Variants in VAT1L observed in about 807,000 individuals in gnomAD.
VAT1L encodes putative NADPH-dependent quinone oxidoreductase VAT1L.
A neutral mutation model predicts 44.1 loss-of-function variants in VAT1L; 34 were observed. The ratio of observed to expected loss-of-function variants is 0.77; its 90% CI spans 0.59 to 1.03. VAT1L has a LOEUF of 1.03. VAT1L is among the 50% of genes least tolerant of loss of function. The pLI is 0.00. For missense variants in VAT1L, 615 were observed against 538.8 expected (o/e 1.14, Z -1.40); for synonymous variants, 253 against 202.2 (o/e 1.25, Z -2.13).
At chr16:77,926,606 G>A (rs927417227) in intron 7 of VAT1L, among the ~76,000 whole-genome samples, 10 of 152,096 alleles carry the variant, frequency 6.6e-5, no homozygotes, top group Non-Finnish European at 1.0e-4. Flanking sequence ...GTAGGGGTAA[G>A]AGCTAAAAGA....
chr16:77,962,163 C>T (rs546226533), intron 7 of VAT1L, among the ~76,000 whole-genome samples: 1 of 152,212 alleles, frequency 6.6e-6, no homozygotes, highest in Admixed American at 6.5e-5. Flanking sequence ...GGCAAGAGTG[C>T]AAATGGAGGA....
At chr16:77,896,428 C>T (rs1376065923) in intron 7 of VAT1L, among the ~76,000 whole-genome samples, 1 of 152,192 alleles carries the variant, frequency 6.6e-6, no homozygotes, top group African/African-American at 2.4e-5. Context: ...AATAACGCTA[C>T]CTTCCTTCGG....
intron 7 of VAT1L, among the ~76,000 whole-genome samples, chr16:77,950,714 A>G (rs1229182826): frequency 1.3e-5 from 2 of 152,134 alleles, no homozygotes; most frequent in Non-Finnish European, 2.9e-5. Flanking sequence ...TAAATATTGA[A>G]TAACATATAG....
chr16:77,932,817 C>A (rs922925999), intron 7 of VAT1L, among the ~76,000 whole-genome samples: 2 of 152,124 alleles, frequency 1.3e-5, no homozygotes, highest in African/African-American at 2.4e-5. Flanking sequence ...CCTGGATTCA[C>A]AGAAATCCAA....
At chr16:77,972,298 C>T (rs1172517812) in intron 8 of VAT1L, among the ~76,000 whole-genome samples, 1 of 152,168 alleles carries the variant, frequency 6.6e-6, no homozygotes, top group Non-Finnish European at 1.5e-5. Context: ...CGAGATGCTC[C>T]CTGATGGTTC....
chr16:77,966,830 G>A (rs182242168), intron 7 of VAT1L, among the ~76,000 whole-genome samples: 4 of 150,996 alleles, frequency 2.6e-5, no homozygotes, highest in Admixed American at 6.6e-5. Flanking sequence ...TTTCAAAGGC[G>A]CACTTGCCAC....
chr16:77,818,076 C>T (rs2016386469), intron 2 of VAT1L, among the ~76,000 whole-genome samples: 1 of 152,216 alleles, frequency 6.6e-6, no homozygotes, highest in Non-Finnish European at 1.5e-5. Flanking sequence ...TTCAAATCAC[C>T]AGAGCTTGTT....
At position 77,979,105 on chromosome 16, in the gene VAT1L, T is replaced by C. The variant is rs1432825258; in HGVS notation, c.*1410T>C. 1 of 152,710 alleles carries C rather than the reference T, an allele frequency of 6.5e-6. No individual in the cohort carries two copies. The highest frequency in any genetic ancestry group is 1.9e-4 in the East Asian group (1 of 5,174). 9.5% of individuals were successfully genotyped at this position (152,710 alleles called of 1,614,324 possible). On this transcript the variant is annotated 3_prime_UTR_variant, in exon 9 of 9. Transcript: ENST00000302536. ...TGGACCCAACCCTTTCCGCAAGTGG[T>C]AGGAACGAATGCATCTTAGCAATTA...
intron 7 of VAT1L, among the ~76,000 whole-genome samples, chr16:77,946,276 G>GCTCTTTTTTTTTTTTT (rs1441996306): frequency 1.2e-4 from 4 of 33,862 alleles, no homozygotes; most frequent in Non-Finnish European, 2.3e-4. Flanking sequence ...TAGGTTACTT[G>GCTCTTTTTTTTTTTTT]TTCTTTTTTT....
At chr16:77,975,942 C>A (rs1375818675) in intron 8 of VAT1L, among the ~76,000 whole-genome samples, 1 of 152,216 alleles carries the variant, frequency 6.6e-6, no homozygotes, top group African/African-American at 2.4e-5. Context: ...GTCTCCCTTT[C>A]CACTGCTGTA....
At chr16:77,815,735 A>G (rs12926257) in intron 1 of VAT1L, among the ~76,000 whole-genome samples, 2 of 151,830 alleles carry the variant, frequency 1.3e-5, no homozygotes, top group Non-Finnish European at 2.9e-5. Flanking sequence ...TTGGGAGACC[A>G]AGGTGGGCGG....
chr16:77,946,276 G>GTTTTTTTTTTTTTTTTT (rs1597114758), intron 7 of VAT1L, among the ~76,000 whole-genome samples: 7 of 33,848 alleles, frequency 2.1e-4, no homozygotes, highest in Non-Finnish European at 2.8e-4. Context: ...TAGGTTACTT[G>GTTTTTTTTTTTTTTTTT]TTCTTTTTTT....
At chr16:77,935,034 C>T (rs1410078908) in intron 7 of VAT1L, among the ~76,000 whole-genome samples, 4 of 152,140 alleles carry the variant, frequency 2.6e-5, no homozygotes, top group African/African-American at 7.2e-5. Flanking sequence ...TCGATTTCCT[C>T]TGGTACCACG....
chr16:77,816,754 G>A (rs972098339), intron 1 of VAT1L, among the ~76,000 whole-genome samples, 167 bp from the exon 2 acceptor site: 3 of 151,734 alleles, frequency 2.0e-5, no homozygotes, highest in Non-Finnish European at 2.9e-5. Flanking sequence ...CTAGCTAAGC[G>A]GCATTACTAT....
chr16:77,793,523 C>T (rs984535419), intron 1 of VAT1L, among the ~76,000 whole-genome samples: 12 of 152,092 alleles, frequency 7.9e-5, no homozygotes, highest in Non-Finnish European at 1.2e-4. Flanking sequence ...TCTCTTAGAC[C>T]GGGGCTGCTA....
At chr16:77,847,366 C>A (rs147865672) in intron 3 of VAT1L, among the ~76,000 whole-genome samples, 223 of 152,294 alleles carry the variant, frequency 1.5e-3, no homozygotes, top group African/African-American at 5.1e-3. Context: ...ACCTCTCCCC[C>A]GGTCTTCCCG....
At chr16:77,875,915 A>G (rs975950936) in intron 4 of VAT1L, among the ~76,000 whole-genome samples, 3 of 152,208 alleles carry the variant, frequency 2.0e-5, no homozygotes, top group African/African-American at 7.2e-5. Context: ...GGTTCACTCT[A>G]TCTCCAGCAC....
chr16:77,791,110 C>T (rs1301027294), intron 1 of VAT1L, among the ~76,000 whole-genome samples: 1 of 152,168 alleles, frequency 6.6e-6, no homozygotes. Context: ...TTGTAATAGG[C>T]TTGTAAATGG....
At chr16:77,865,464 G>T (rs2016963410) in intron 4 of VAT1L, among the ~76,000 whole-genome samples, 1 of 152,190 alleles carries the variant, frequency 6.6e-6, no homozygotes, top group African/African-American at 2.4e-5. Flanking sequence ...CAGAGCCAGA[G>T]ATCCAGCAAT....
Sources: gnomAD v4.1 joint callset for allele counts (sites outside exome capture counted in the v4.1 genomes callset) on GRCh38, gnomAD v4.1.1 for gene constraint, MANE v1.5 for transcripts, NCBI Gene and HGNC (gene_info 2026-07-23, HGNC 2026-07-21) for gene names.